The following HADH variants were observed in gnomAD, a reference collection of about 807,000 sequenced individuals.
The protein encoded by HADH is hydroxyacyl-coenzyme A dehydrogenase, mitochondrial.
A neutral mutation model predicts 32.2 loss-of-function variants in HADH; 24 were observed. The ratio of observed to expected loss-of-function variants is 0.75; its 90% confidence interval spans 0.54 to 1.05. The LOEUF (loss-of-function observed/expected upper bound fraction) is 1.05, where lower values mean the gene tolerates loss of function less well. Ranked by LOEUF, HADH falls within the 50% of genes least tolerant of loss-of-function variation. The probability of loss-of-function intolerance (pLI) is 0.00; values close to 1 mark genes in which losing one functional copy is unlikely to be tolerated. For missense variants in HADH, 350 were observed against 397.1 expected (o/e 0.88, Z 1.01); for synonymous variants, 139 against 152.5 (o/e 0.91, Z 0.65).
chr4:107,990,154 C>T (rs745547559), intron 1 of HADH, 90 bp downstream of exon 1: 55 of 1,344,672 alleles, frequency 4.1e-5, no homozygotes, highest in Non-Finnish European at 5.3e-5. Context: ...GGGGCCTGCA[C>T]CCGCCCGACA....
At position 108,014,486 on chromosome 4, in the gene HADH, C is replaced by T. The variant is rs1420935961; in HGVS notation, c.317C>T (p.Ala106Val). ...AGCACCATAGCGACCAGCACGGATG[C>T]AGCCTCCGTTGTCCACAGCACAGAC... Reference protein sequence around the residue: ...TLSTIATSTDAASVVHSTDLV... With the variant: ...TLSTIATSTDVASVVHSTDLV... Residue 106 changes from alanine (A) to valine (V), a missense_variant, in exon 3 of 8, where the codon GCA becomes GTA. Transcript: ENST00000309522. The T allele has an allele frequency of 1.9e-6, 3 of 1,614,032 alleles. No homozygotes were observed. In the East Asian group the frequency reaches 6.7e-5, roughly 36 times the overall value.
At chr4:108,023,763 A>T in intron 5 of HADH, 200 bp downstream of exon 5, 1 of 594,930 alleles carries the variant, frequency 1.7e-6, no homozygotes, top group Non-Finnish European at 3.1e-6. Flanking sequence ...GCCATGCCTA[A>T]GGCCATTATG....
chr4:108,020,294 G>A (rs1735840694), intron 4 of HADH, among the ~76,000 whole-genome samples: 1 of 152,068 alleles, frequency 6.6e-6, no homozygotes, highest in Non-Finnish European at 1.5e-5. Flanking sequence ...AACATGGCAA[G>A]ACCCCATTTC....
At chr4:107,997,088 T>A (rs555811991) in intron 1 of HADH, among the ~76,000 whole-genome samples, 3,184 of 152,220 alleles carry the variant, frequency 0.021, 112 homozygotes, top group African/African-American at 0.071. Context: ...ATGTATGACT[T>A]TTTTCCTCTC....
At chr4:108,010,104 T>G (rs1292887260) in intron 2 of HADH, among the ~76,000 whole-genome samples, 1 of 151,526 alleles carries the variant, frequency 6.6e-6, no homozygotes, top group Non-Finnish European at 1.5e-5. Flanking sequence ...TAAATAACCA[T>G]TTTGTTGGGT....
In HADH at chr4:107,997,971, C is replaced by T. The variant is rs140379946; in HGVS notation, c.132+7907C>T. On this transcript the variant is annotated intron_variant, in intron 1 of 7. Coordinates refer to ENST00000309522, the MANE Select transcript of HADH (RefSeq NM_005327.7). ...TAGTTATTTTCTAAATAAGAGGTTA[C>T]GTTATCAGGAGAGGCCATCAGCTAC... is the stretch of plus-strand genomic sequence containing the variant. Among the ~76,000 whole-genome samples, 329 of 152,262 alleles carry T rather than the reference C, an allele frequency of 2.2e-3. 2 individuals are homozygous for T. The highest frequency in any genetic ancestry group is 7.5e-3 in the African/African-American group (313 of 41,546).
chr4:108,003,377 A>G (rs542521896), intron 1 of HADH, among the ~76,000 whole-genome samples: 1 of 152,158 alleles, frequency 6.6e-6, no homozygotes, highest in African/African-American at 2.4e-5. Context: ...AGGAGCCCTC[A>G]TGGCCTAATC....
chr4:108,025,495 C>G (rs1483911813), intron 5 of HADH: 2 of 152,148 alleles, frequency 1.3e-5, no homozygotes, highest in African/African-American at 4.8e-5. Flanking sequence ...GTATTTAGAA[C>G]AGTACCTGGC....
chr4:108,004,936 A>G, intron 1 of HADH: 1 of 1,516,326 alleles, frequency 6.6e-7, no homozygotes, highest in Non-Finnish European at 8.9e-7. Context: ...ACCCTAAACT[A>G]GTATTCAGGA....
At chr4:108,032,531 C>A (rs1396498623) in intron 6 of HADH, 5 of 543,874 alleles carry the variant, frequency 9.2e-6, no homozygotes, top group African/African-American at 1.9e-5. Context: ...ATTTATAAAT[C>A]AAAAATATGC....
intron 1 of HADH, among the ~76,000 whole-genome samples, chr4:107,999,961 A>G (rs1735071866): frequency 6.6e-6 from 1 of 152,238 alleles, no homozygotes; most frequent in Admixed American, 6.5e-5. Flanking sequence ...GGGACATTAA[A>G]AAAGCTTATG....
Position 107,993,369 on chromosome 4 carries a change from A to G in HADH, c.132+3305A>G, listed in dbSNP as rs1000993794. Among the ~76,000 whole-genome samples, 104 of 152,168 alleles carry G rather than the reference A, an allele frequency of 6.8e-4. 1 individual carries two copies. The highest frequency in any genetic ancestry group is 1.4e-3 in the Non-Finnish European group (92 of 68,018). On this transcript the variant is annotated intron_variant, in intron 1 of 7. Coordinates refer to ENST00000309522, the MANE Select transcript of HADH (RefSeq NM_005327.7). ...GGAGAACACTTTTTAGTTACCCCCC[A>G]TTTTATTGTTAAACTTTAGTAAAGC...
chr4:108,032,856 C>T (rs1054645942), intron 6 of HADH: 6 of 396,258 alleles, frequency 1.5e-5, no homozygotes, highest in Non-Finnish European at 2.4e-5. Context: ...GGGGCGCACA[C>T]CTGTAGTCTC....
chr4:108,022,191 GTGTGTGTGTA>G (rs1398895433), intron 4 of HADH, among the ~76,000 whole-genome samples: 2 of 55,978 alleles, frequency 3.6e-5, no homozygotes, highest in Non-Finnish European at 9.2e-5. Flanking sequence ...GTGTGTGTAT[GTGTGTGTGTA>G]TGTGTGTGTG....
In HADH at chr4:108,027,532, A is replaced by G. The variant is rs1335258503; in HGVS notation, c.637-156A>G. ...ATTGTTGGATAAATTGTCATATGAG[A>G]TAGAAATAAGGCCATGCTGCAAATT... On this transcript the variant is annotated intron_variant, in intron 5 of 7. Transcript: ENST00000309522. The G allele has an allele frequency of 4.3e-6, 3 of 698,476 alleles. No homozygotes were observed. In the Admixed American group the frequency reaches 6.1e-5, roughly 14 times the overall value. The allele number at this position is 698,476 out of a possible 1,614,324, so 43.3% of individuals were successfully genotyped here. A position where few individuals can be genotyped will look rare whatever the true frequency, so the allele number is the denominator to read the frequency against.
At chr4:107,995,640 T>G (rs1374643618) in intron 1 of HADH, among the ~76,000 whole-genome samples, 1 of 152,216 alleles carries the variant, frequency 6.6e-6, no homozygotes, top group Admixed American at 6.5e-5. Flanking sequence ...TTATTTAATT[T>G]CATGTGACCA....
intron 1 of HADH, chr4:108,005,480 A>G (rs1735267163): frequency 6.5e-6 from 1 of 153,928 alleles, no homozygotes. Flanking sequence ...TGGTCAGTAC[A>G]GTATTTATGT....
At chr4:107,998,950 A>G (rs1231415197) in intron 1 of HADH, among the ~76,000 whole-genome samples, 2 of 152,198 alleles carry the variant, frequency 1.3e-5, no homozygotes, top group African/African-American at 4.8e-5. Context: ...GCCACACTGA[A>G]TGATCTCTGG....
At chr4:107,991,169 A>ATT (rs1560719333) in intron 1 of HADH, among the ~76,000 whole-genome samples, 11 of 150,780 alleles carry the variant, frequency 7.3e-5, no homozygotes, top group African/African-American at 2.2e-4. Flanking sequence ...TTTTTTTTAA[A>ATT]AATTATTCCA....
Sources: gnomAD v4.1 joint callset for allele counts (sites outside exome capture counted in the v4.1 genomes callset) on GRCh38, gnomAD v4.1.1 for gene constraint, MANE v1.5 for transcripts, NCBI Gene and HGNC (gene_info 2026-07-23, HGNC 2026-07-21) for gene names.